The following ALG13 variants were observed in gnomAD, a reference collection of about 807,000 sequenced individuals.
ALG13 encodes the protein ALG13 UDP-N-acetylglucosaminyltransferase subunit.
ALG13 carries 11 observed loss-of-function variants against 87.8 expected under a neutral mutation model. The ratio of observed to expected loss-of-function variants is 0.13; its 90% CI spans 0.08 to 0.21. The LOEUF is 0.21. Ranked by LOEUF, ALG13 falls within the 10% of genes least tolerant of loss-of-function variation. The pLI, the probability that ALG13 is intolerant of heterozygous loss-of-function variation, is 1.00. For synonymous variants in ALG13, 320 were observed against 306.3 expected, an observed-to-expected ratio of 1.04 and a Z score of -0.47; for missense variants, 756 against 866.1, an observed-to-expected ratio of 0.87 and a Z score of 1.60.
At position 111,689,569 on chromosome X, in the gene ALG13, C is replaced by G. The variant is rs973975665; in HGVS notation, c.383+4466C>G. On this transcript the variant is annotated intron_variant, in intron 3 of 26. Transcript: ENST00000394780. ...CAATTGTGTGCAGTAACGCCTCTGA[C>G]TTCCCTTTTGTGGAATTTTGTATCG... is the stretch of plus-strand genomic sequence containing the variant. 45 of 752,407 alleles carry G rather than the reference C, an allele frequency of 6.0e-5. No homozygotes were observed. The African/African-American group carries it at 9.5e-4, about 16-fold the overall frequency. 62.0% of individuals were successfully genotyped at this position (752,407 alleles called of 1,213,427 possible). A position where few individuals can be genotyped will look rare whatever the true frequency, so the allele number is the denominator to read the frequency against.
intron 3 of ALG13, among the ~76,000 whole-genome samples, chrX:111,701,033 G>A (rs1156596238): frequency 9.0e-6 from 1 of 110,961 alleles, no homozygotes; most frequent in Non-Finnish European, 1.9e-5. Flanking sequence ...TGTGTATATT[G>A]AACCTTCCTT....
rs1426697474 is a variant in ALG13, at chrX:111,682,311, A to G, written c.244+17A>G. 2 of 1,141,320 alleles carry G rather than the reference A, an allele frequency of 1.8e-6. No homozygotes were observed. Among genetic ancestry groups the G allele is most frequent in the Non-Finnish European group, 2.3e-6 (2 of 859,565 alleles). 94.1% of individuals were successfully genotyped at this position (1,141,320 alleles called of 1,213,427 possible). ...GTCACGCAGGTAAAGGTGCCTAAGA[A>G]TCTCAGGGTTGGGTCTTTTAATTTT... On this transcript the variant is annotated intron_variant, in intron 2 of 26. Transcript: ENST00000394780.
At chrX:111,752,096 C>T (rs763655334) in intron 24 of ALG13, among the ~76,000 whole-genome samples, 1 of 111,444 alleles carries the variant, frequency 9.0e-6, no homozygotes, top group Non-Finnish European at 1.9e-5. Flanking sequence ...TTAGTCTGTA[C>T]TGTATATAAG....
chrX:111,690,191 C>CTCTAAA, intron 3 of ALG13: 1 of 752,476 alleles, frequency 1.3e-6, no homozygotes, highest in Non-Finnish European at 1.6e-6. Flanking sequence ...GAAATGTTTG[C>CTCTAAA]TCTATTTGTT....
intron 10 of ALG13, among the ~76,000 whole-genome samples, chrX:111,719,567 T>C (rs1941145137): frequency 1.8e-5 from 2 of 112,507 alleles, no homozygotes; most frequent in Admixed American, 9.4e-5. Flanking sequence ...GGACACGGCT[T>C]AGCTAGATCT....
intron 3 of ALG13, among the ~76,000 whole-genome samples, chrX:111,699,761 A>G (rs1165892006): frequency 9.0e-6 from 1 of 111,684 alleles, no homozygotes; most frequent in African/African-American, 3.3e-5. Context: ...TTATACCAGC[A>G]TGATGCTGTT....
rs1944082565 is a variant in ALG13 at position 111,744,776 on chromosome X, C to T, written c.2804C>T (p.Pro935Leu). ...PPPPPPPPPP[P>L]PPPPPPPPPP... ...CCACCACCACCACCACCACCTCCTC[C>T]TCCTCCTCCTCCTCCTCCTCCTCCT... is the stretch of plus-strand genomic sequence containing the variant. Residue 935 changes from proline (P) to leucine (L), a missense_variant, in exon 24 of 27, where the codon CCT becomes CTT. Pro to Leu is a moderately conservative substitution (Grantham distance 98). This residue lies in a region of ALG13 where 362 missense variants were observed against 383.5 expected (regional missense o/e 0.94). Coordinates refer to ENST00000394780, the MANE Select transcript of ALG13 (RefSeq NM_001099922.3). The T allele has an allele frequency of 1.8e-6, 2 of 1,087,289 alleles. No individual in the cohort carries two copies. Among genetic ancestry groups the T allele is most frequent in the Non-Finnish European group, 2.4e-6 (2 of 828,797 alleles). 89.6% of individuals were successfully genotyped at this position (1,087,289 alleles called of 1,213,427 possible).
chrX:111,733,573 C>G (rs190270819), intron 21 of ALG13, among the ~76,000 whole-genome samples: 3 of 111,678 alleles, frequency 2.7e-5, no homozygotes, highest in Non-Finnish European at 5.6e-5. Context: ...CATATTCTTG[C>G]GATTGCAAAC....
intron 3 of ALG13, among the ~76,000 whole-genome samples, chrX:111,701,329 T>C (rs1021322317): frequency 8.9e-6 from 1 of 111,871 alleles, no homozygotes; most frequent in Non-Finnish European, 1.9e-5. Flanking sequence ...AGTGAAGCCA[T>C]GGGGTCTTGG....
chrX:111,683,454 C>G (rs1409025321), intron 2 of ALG13, among the ~76,000 whole-genome samples: 1 of 107,945 alleles, frequency 9.3e-6, no homozygotes, highest in African/African-American at 3.4e-5. Flanking sequence ...CTCAGCCTCC[C>G]CAGTAGCTGA....
intron 2 of ALG13, 76 bp downstream of exon 2, chrX:111,682,370 A>G: frequency 2.3e-6 from 2 of 865,502 alleles, no homozygotes; most frequent in Non-Finnish European, 3.1e-6. Context: ...TTCTGGGGGT[A>G]CATGTGCAGG....
chrX:111,719,247 G>T (rs183326835), intron 10 of ALG13, among the ~76,000 whole-genome samples: 6 of 110,237 alleles, frequency 5.4e-5, no homozygotes, highest in Admixed American at 1.9e-4. Context: ...GGATGATCTT[G>T]GTCTCCTGAC....
chrX:111,686,118 CTTGT>C, intron 3 of ALG13: 3 of 1,083,075 alleles, frequency 2.8e-6, no homozygotes, highest in Non-Finnish European at 3.6e-6. Flanking sequence ...AAGAAAATTA[CTTGT>C]TTGTTTTCTA....
chrX:111,687,137 G>T (rs1269577018), intron 3 of ALG13, among the ~76,000 whole-genome samples: 2 of 111,239 alleles, frequency 1.8e-5, no homozygotes, highest in African/African-American at 6.6e-5. Flanking sequence ...TAGAGACGGG[G>T]TTTCTCCATG....
chrX:111,694,778 C>T (rs2147848263), intron 3 of ALG13, among the ~76,000 whole-genome samples: 1 of 111,938 alleles, frequency 8.9e-6, no homozygotes, highest in East Asian at 2.8e-4. Context: ...TAATACACTC[C>T]CCATATTTAG....
intron 8 of ALG13, among the ~76,000 whole-genome samples, chrX:111,717,345 G>A (rs886487749): frequency 1.8e-5 from 2 of 111,084 alleles, no homozygotes; most frequent in Non-Finnish European, 3.8e-5. Context: ...GTGCTATATA[G>A]TGTATTGATA....
intron 3 of ALG13, among the ~76,000 whole-genome samples, chrX:111,686,777 G>A (rs1935049958): frequency 8.9e-6 from 1 of 112,231 alleles, no homozygotes; most frequent in Non-Finnish European, 1.9e-5. Context: ...GGAAAACACT[G>A]ATTTCATAAA....
At chrX:111,718,878 G>A (rs182104798) in intron 10 of ALG13, among the ~76,000 whole-genome samples, 228 of 111,758 alleles carry the variant, frequency 2.0e-3, no homozygotes, top group Non-Finnish European at 3.9e-3. Flanking sequence ...CTTTGGGTTT[G>A]AAATAATAAA....
At chrX:111,741,327 C>T (rs1943718209) in intron 23 of ALG13, among the ~76,000 whole-genome samples, 1 of 111,485 alleles carries the variant, frequency 9.0e-6, no homozygotes, top group African/African-American at 3.3e-5. Flanking sequence ...GACTAAAAAA[C>T]TGCTGTTCAA....
Sources: gnomAD v4.1 joint callset for allele counts (sites outside exome capture counted in the v4.1 genomes callset) on GRCh38, gnomAD v4.1.1 for gene constraint, gnomAD v4.1.1 regional missense constraint, MANE v1.5 for transcripts, NCBI Gene and HGNC (gene_info 2026-07-23, HGNC 2026-07-21) for gene names.